LIMD1: variants seen among roughly 807,000 people sequenced by gnomAD.
LIMD1 encodes LIM domain-containing protein 1.
A neutral mutation model predicts 58.4 loss-of-function variants in LIMD1; 23 were observed. The observed-to-expected ratio is 0.39, with a 90% CI of 0.28 to 0.56. The LOEUF (loss-of-function observed/expected upper bound fraction) is 0.56, where lower values mean the gene tolerates loss of function less well. Among genes scored for constraint, LIMD1 ranks in the 20% least tolerant of loss-of-function variants. The pLI, the probability that LIMD1 is intolerant of heterozygous loss-of-function variation, is 0.57. For synonymous variants in LIMD1, 334 were observed against 345.5 expected, an observed-to-expected ratio of 0.97 and a Z score of 0.37; for missense variants, 838 against 855.5, an observed-to-expected ratio of 0.98 and a Z score of 0.25.
At chr3:45,649,341 A>C in intron 2 of LIMD1, among the ~76,000 whole-genome samples, 1 of 151,478 alleles carries the variant, frequency 6.6e-6, no homozygotes. Context: ...GAATTCTTTA[A>C]ACTTTTGTAT....
chr3:45,596,825 G>A (rs535353446), intron 1 of LIMD1, among the ~76,000 whole-genome samples: 1 of 151,248 alleles, frequency 6.6e-6, no homozygotes, highest in Admixed American at 6.6e-5. Context: ...GTTGAGGCAG[G>A]TCAAACACTA....
At chr3:45,653,336 G>T (rs1701993128) in intron 2 of LIMD1, among the ~76,000 whole-genome samples, 1 of 152,206 alleles carries the variant, frequency 6.6e-6, no homozygotes, top group Non-Finnish European at 1.5e-5. Context: ...AGTCACACCA[G>T]ATGCCTGGTA....
At chr3:45,663,907 G>T (rs921995226) in intron 2 of LIMD1, among the ~76,000 whole-genome samples, 1 of 110,166 alleles carries the variant, frequency 9.1e-6, no homozygotes. Context: ...GTCTCCCTCT[G>T]TCACCCAGGC....
At chr3:45,639,426 G>T (rs1469772604) in intron 2 of LIMD1, among the ~76,000 whole-genome samples, 1 of 152,142 alleles carries the variant, frequency 6.6e-6, no homozygotes, top group Admixed American at 6.5e-5. Flanking sequence ...TACACTGGTT[G>T]GCTTATAAAC....
rs374823293 is a variant in LIMD1, at chr3:45,684,319, C to T, written c.*7260C>T. 4.6e-5 allele frequency: 7 copies of T among 152,360 alleles called. No individual in the cohort carries two copies. The East Asian group carries it at 9.6e-4, about 21-fold the overall frequency. 9.4% of individuals were successfully genotyped at this position (152,360 alleles called of 1,614,324 possible). A position where few individuals can be genotyped will look rare whatever the true frequency, so the allele number is the denominator to read the frequency against. Reference sequence around the variant, plus strand: ...TGTGTTGCCCATGAGACTTGGTCCACGGCAAGCCTGTGACGGAGTGAAAGT... The same window carrying T: ...TGTGTTGCCCATGAGACTTGGTCCATGGCAAGCCTGTGACGGAGTGAAAGT... On this transcript the variant is annotated 3_prime_UTR_variant, in exon 8 of 8. Coordinates refer to ENST00000273317, the MANE Select transcript of LIMD1 (RefSeq NM_014240.3).
At chr3:45,620,495 A>G (rs753204862) in intron 1 of LIMD1, among the ~76,000 whole-genome samples, 1 of 152,192 alleles carries the variant, frequency 6.6e-6, no homozygotes, top group Non-Finnish European at 1.5e-5. Flanking sequence ...GCTGTCAAGA[A>G]TCATCAATGG....
At chr3:45,650,228 C>T (rs1385648994) in intron 2 of LIMD1, among the ~76,000 whole-genome samples, 1 of 152,048 alleles carries the variant, frequency 6.6e-6, no homozygotes, top group African/African-American at 2.4e-5. Flanking sequence ...TATTGCTGTA[C>T]CTTTAAATTC....
At chr3:45,648,450 C>A (rs1701929435) in intron 2 of LIMD1, among the ~76,000 whole-genome samples, 1 of 152,142 alleles carries the variant, frequency 6.6e-6, no homozygotes. Context: ...ATAGTATTCC[C>A]TTGTATAGAT....
At chr3:45,627,548 T>C (rs989704630) in intron 1 of LIMD1, among the ~76,000 whole-genome samples, 4 of 152,106 alleles carry the variant, frequency 2.6e-5, no homozygotes, top group Non-Finnish European at 4.4e-5. Flanking sequence ...CCCAGCACTT[T>C]GGGAGGCCAA....
At chr3:45,641,828 CA>C (rs1434621803) in intron 2 of LIMD1, among the ~76,000 whole-genome samples, 1 of 152,164 alleles carries the variant, frequency 6.6e-6, no homozygotes, top group African/African-American at 2.4e-5. Context: ...TGATGACTGC[CA>C]CATAAGTGGG....
intron 1 of LIMD1, among the ~76,000 whole-genome samples, chr3:45,619,640 AAT>A: frequency 6.6e-6 from 1 of 152,006 alleles, no homozygotes; most frequent in South Asian, 2.1e-4. Flanking sequence ...CTCTACTAAA[AAT>A]ATAAAAATTA....
chr3:45,610,431 A>G (rs2125650676), intron 1 of LIMD1, among the ~76,000 whole-genome samples: 1 of 152,270 alleles, frequency 6.6e-6, no homozygotes, highest in Non-Finnish European at 1.5e-5. Context: ...GTAGCTGAGG[A>G]CTAGAGGGGC....
At chr3:45,607,127 G>A (rs1403439037) in intron 1 of LIMD1, among the ~76,000 whole-genome samples, 1 of 152,174 alleles carries the variant, frequency 6.6e-6, no homozygotes, top group African/African-American at 2.4e-5. Flanking sequence ...TGTCCTTAGA[G>A]TCCATCCAGC....
chr3:45,609,450 C>G (rs114035742), intron 1 of LIMD1, among the ~76,000 whole-genome samples: 4,714 of 152,252 alleles, frequency 0.031, 98 homozygotes, highest in Non-Finnish European at 0.05. Flanking sequence ...CTCAAGCAGT[C>G]CTCTTGCCTC....
chr3:45,643,147 A>C (rs1049650423), intron 2 of LIMD1, among the ~76,000 whole-genome samples: 5 of 152,208 alleles, frequency 3.3e-5, no homozygotes, highest in African/African-American at 9.6e-5. Context: ...AGGAGGAAAA[A>C]CACGCTGACT....
chr3:45,671,428 C>T (rs1055527353), intron 4 of LIMD1, among the ~76,000 whole-genome samples: 2 of 152,174 alleles, frequency 1.3e-5, no homozygotes, highest in Non-Finnish European at 2.9e-5. Flanking sequence ...TCTGTGTGGG[C>T]TCCCACTGCT....
intron 1 of LIMD1, among the ~76,000 whole-genome samples, chr3:45,615,184 T>G (rs987153254): frequency 6.6e-6 from 1 of 152,194 alleles, no homozygotes; most frequent in African/African-American, 2.4e-5. Flanking sequence ...TATATGAGGT[T>G]GAACAAAGAG....
chr3:45,659,356 T>C (rs1697395472), intron 2 of LIMD1, among the ~76,000 whole-genome samples: 1 of 152,180 alleles, frequency 6.6e-6, no homozygotes, highest in African/African-American at 2.4e-5. Context: ...AATCCTGAGA[T>C]GGGCTGATCA....
chr3:45,595,296 T>C lies in LIMD1; in HGVS notation c.417T>C (p.His139=), dbSNP rs768078104. Residue 139 remains histidine (H), a synonymous_variant, in exon 1 of 8, where the codon CAT becomes CAC. Coordinates refer to ENST00000273317, the MANE Select transcript of LIMD1 (RefSeq NM_014240.3). The part of the protein sequence containing the change: ...PQEQRSRPYL[H]GTRHGSQDCG... ...AGCAGAGATCCAGGCCATACCTGCA[T>C]GGCACGAGGCATGGCAGCCAGGACT... The C allele has an allele frequency of 6.1e-5, 98 of 1,613,370 alleles. No homozygotes were observed. The South Asian group carries it at 1.0e-3, about 17-fold the overall frequency.
Sources: gnomAD v4.1 joint callset for allele counts (sites outside exome capture counted in the v4.1 genomes callset) on GRCh38, gnomAD v4.1.1 for gene constraint, MANE v1.5 for transcripts, NCBI Gene and HGNC (gene_info 2026-07-23, HGNC 2026-07-21) for gene names.